Variants in ALDH1A2 observed in about 807,000 individuals in gnomAD.
ALDH1A2 encodes the protein retinal dehydrogenase 2.
In ALDH1A2, 27 loss-of-function variants were observed where a neutral mutation model predicts 60.3. That is an observed-to-expected ratio of 0.45 (90% confidence interval 0.33 to 0.62). The LOEUF is 0.62. Among genes scored for constraint, ALDH1A2 ranks in the 20% least tolerant of loss-of-function variants. The pLI is 0.02. For synonymous variants in ALDH1A2, 289 were observed against 232.4 expected, an observed-to-expected ratio of 1.24 and a Z score of -2.21; for missense variants, 581 against 643.8, an observed-to-expected ratio of 0.90 and a Z score of 1.06.
At chr15:58,008,422 C>T (rs1258420620) in intron 4 of ALDH1A2, among the ~76,000 whole-genome samples, 3 of 152,014 alleles carry the variant, frequency 2.0e-5, no homozygotes, top group African/African-American at 7.2e-5. Context: ...CAAAACGCAT[C>T]AGATGAAAAC....
intron 1 of ALDH1A2, among the ~76,000 whole-genome samples, chr15:58,023,840 C>G (rs1248988605): frequency 6.6e-6 from 1 of 152,028 alleles, no homozygotes; most frequent in African/African-American, 2.4e-5. Context: ...GCTTGTAATC[C>G]CAGCATTTTG....
At chr15:58,020,769 T>C (rs1281241629) in intron 1 of ALDH1A2, among the ~76,000 whole-genome samples, 8 of 152,212 alleles carry the variant, frequency 5.3e-5, no homozygotes. Flanking sequence ...TTGTATCAAT[T>C]TTGTAAAATG....
chr15:58,048,511 C>T lies in ALDH1A2; in HGVS notation c.117+17023G>A, dbSNP rs139908902. Among the ~76,000 whole-genome samples the T allele has an allele frequency of 5.3e-5, 8 of 152,122 alleles. No homozygotes were observed. The East Asian group carries it at 1.4e-3, about 26-fold the overall frequency. On this transcript the variant is annotated intron_variant, in intron 1 of 12. Transcript: ENST00000249750. ...TTGGTCAGCCTTTGATGGACAAGGC[C>T]GGATCCAAATGAATTGAGAAGGGAA... is the stretch of plus-strand genomic sequence containing the variant.
In ALDH1A2 at chr15:57,953,867, A is replaced by AGATGGAAGAAGG. The variant is rs1302907820; in HGVS notation, c.*1318_*1329dup. The AGATGGAAGAAGG allele has an allele frequency of 6.6e-6, 1 of 152,450 alleles. No homozygotes were observed. Among genetic ancestry groups the AGATGGAAGAAGG allele is most frequent in the African/African-American group, 2.4e-5 (1 of 41,480 alleles). The allele number at this position is 152,450 out of a possible 1,614,324, so 9.4% of individuals were successfully genotyped here. On this transcript the variant is annotated 3_prime_UTR_variant, in exon 13 of 13. Transcript: ENST00000249750. ...ACTGGATTGGATTTGACAGCTGGAA[A>AGATGGAAGAAGG]GATGGAAGAAGGGATGGAAGAAGGA...
chr15:57,991,746 G>T (rs1894902586), intron 7 of ALDH1A2, among the ~76,000 whole-genome samples: 1 of 152,086 alleles, frequency 6.6e-6, no homozygotes, highest in Admixed American at 6.5e-5. Flanking sequence ...TTTTTAATGT[G>T]GCTACTAGCT....
chr15:58,037,347 G>T (rs2038843324), intron 1 of ALDH1A2, among the ~76,000 whole-genome samples: 1 of 151,520 alleles, frequency 6.6e-6, no homozygotes, highest in Admixed American at 6.6e-5. Context: ...AAAAAATGGA[G>T]TGAAAAATAC....
chr15:58,034,068 T>A (rs2140545469), intron 1 of ALDH1A2, among the ~76,000 whole-genome samples: 1 of 151,900 alleles, frequency 6.6e-6, no homozygotes, highest in East Asian at 1.9e-4. Context: ...AATCTACATA[T>A]TAACTTGGGA....
At chr15:57,977,125 A>G (rs1595629465) in intron 7 of ALDH1A2, among the ~76,000 whole-genome samples, 1 of 149,464 alleles carries the variant, frequency 6.7e-6, no homozygotes. Context: ...AAACTTGTTT[A>G]AGTTCCTTGT....
At chr15:57,979,867 T>A (rs1388963825) in intron 7 of ALDH1A2, 1 of 325,274 alleles carries the variant, frequency 3.1e-6, no homozygotes, top group Admixed American at 3.2e-5. Context: ...GCCAAAGACC[T>A]GGCTACTATG....
At chr15:57,957,351 A>T (rs1893562278) in intron 12 of ALDH1A2, among the ~76,000 whole-genome samples, 1 of 152,168 alleles carries the variant, frequency 6.6e-6, no homozygotes, top group Admixed American at 6.5e-5. Context: ...ACAAAGATTC[A>T]GTTTCAGAAG....
intron 1 of ALDH1A2, among the ~76,000 whole-genome samples, chr15:58,055,162 C>T (rs1896866341): frequency 6.6e-6 from 1 of 151,900 alleles, no homozygotes; most frequent in South Asian, 2.1e-4. Context: ...AGTATTGAGT[C>T]CTGGAATTGC....
chr15:58,041,805 C>T (rs1361263226), intron 1 of ALDH1A2, among the ~76,000 whole-genome samples: 1 of 151,930 alleles, frequency 6.6e-6, no homozygotes, highest in African/African-American at 2.4e-5. Flanking sequence ...TAACAAACTA[C>T]TGGTATAGTA....
intron 5 of ALDH1A2, 91 bp from the exon 6 acceptor site, chr15:57,993,164 G>A (rs1270885019): frequency 6.8e-7 from 1 of 1,466,870 alleles, no homozygotes; most frequent in Non-Finnish European, 9.3e-7. Flanking sequence ...TCTCAAACTA[G>A]TCCTCGACAT....
chr15:57,959,167 T>C (rs1411173055), intron 12 of ALDH1A2, among the ~76,000 whole-genome samples: 5 of 152,208 alleles, frequency 3.3e-5, no homozygotes, highest in African/African-American at 1.2e-4. Context: ...TTTATGCTCA[T>C]GATTCACCCT....
chr15:57,961,013 C>G (rs1241113851), intron 11 of ALDH1A2, 124 bp downstream of exon 11: 4 of 1,395,616 alleles, frequency 2.9e-6, no homozygotes, highest in Non-Finnish European at 4.0e-6. Context: ...AAGGAGTGTA[C>G]CCCTTTTCTG....
chr15:57,976,718 T>C (rs574030065), intron 7 of ALDH1A2, among the ~76,000 whole-genome samples: 1 of 152,350 alleles, frequency 6.6e-6, no homozygotes, highest in African/African-American at 2.4e-5. Context: ...AGTGCTGCAA[T>C]AAACATACAA....
intron 1 of ALDH1A2, among the ~76,000 whole-genome samples, chr15:58,043,027 C>G (rs1291344357): frequency 6.6e-6 from 1 of 151,842 alleles, no homozygotes; most frequent in Non-Finnish European, 1.5e-5. Context: ...TTCTACAGCA[C>G]AGGAGGAGGA....
At chr15:58,054,912 CCTT>C (rs1294662499) in intron 1 of ALDH1A2, among the ~76,000 whole-genome samples, 1 of 151,996 alleles carries the variant, frequency 6.6e-6, no homozygotes, top group African/African-American at 2.4e-5. Context: ...TCAATTCTCT[CCTT>C]TTTTTAAATT....
At chr15:58,009,754 T>C (rs1165044486) in intron 4 of ALDH1A2, among the ~76,000 whole-genome samples, 1 of 152,032 alleles carries the variant, frequency 6.6e-6, no homozygotes, top group Admixed American at 6.6e-5. Context: ...AAGTTTTAGC[T>C]CTAAAACTTA....
Sources: allele counts gnomAD v4.1 joint callset (sites outside exome capture counted in the v4.1 genomes callset), GRCh38; gene constraint gnomAD v4.1.1; transcripts MANE v1.5; gene names NCBI Gene and HGNC (gene_info 2026-07-23, HGNC 2026-07-21).